The following MAGI3 variants were observed in gnomAD, a reference collection of about 807,000 sequenced individuals.
The protein encoded by MAGI3 is membrane associated guanylate kinase, WW and PDZ domain containing 3.
Under a neutral mutation model 121.8 loss-of-function variants are expected in MAGI3, and 43 were observed. That is an observed-to-expected ratio of 0.35 (90% CI 0.28 to 0.46). MAGI3 has a LOEUF of 0.46. MAGI3 is among the 20% of genes least tolerant of loss of function. MAGI3 has a pLI of 1.00. For missense variants in MAGI3, 1,547 were observed against 1,797.3 expected, an observed-to-expected ratio of 0.86 and a Z score of 2.52; for synonymous variants, 553 against 639.3, an observed-to-expected ratio of 0.86 and a Z score of 2.04.
At chr1:113,661,947 A>C (rs1449786209) in intron 16 of MAGI3, among the ~76,000 whole-genome samples, 1 of 152,228 alleles carries the variant, frequency 6.6e-6, no homozygotes, top group Non-Finnish European at 1.5e-5. Flanking sequence ...CCTTCTGTCC[A>C]TAAAGATCTC....
intron 2 of MAGI3, among the ~76,000 whole-genome samples, chr1:113,561,737 C>A (rs184601340): frequency 6.6e-6 from 1 of 152,066 alleles, no homozygotes; most frequent in East Asian, 1.9e-4. Flanking sequence ...CACTCCTATT[C>A]AATATAGTTT....
intron 5 of MAGI3, 145 bp from the exon 6 acceptor site, chr1:113,594,336 A>G (rs938832288): frequency 3.3e-6 from 2 of 612,616 alleles, no homozygotes; most frequent in Non-Finnish European, 5.7e-6. Flanking sequence ...AATAGGGTTA[A>G]TGAATGAATC....
intron 13 of MAGI3, among the ~76,000 whole-genome samples, chr1:113,650,376 T>C (rs888137329): frequency 6.6e-6 from 1 of 152,238 alleles, no homozygotes; most frequent in Non-Finnish European, 1.5e-5. Context: ...AAACCTTTCT[T>C]TTCTCTTAAA....
At chr1:113,560,025 C>A (rs1660157445) in intron 2 of MAGI3, among the ~76,000 whole-genome samples, 2 of 152,148 alleles carry the variant, frequency 1.3e-5, no homozygotes, top group East Asian at 3.9e-4. Flanking sequence ...ATCAAGAGGA[C>A]CCGATAGTTA....
At chr1:113,622,713 A>C in intron 8 of MAGI3, 93 bp from the exon 9 acceptor site, 1 of 1,032,962 alleles carries the variant, frequency 9.7e-7, no homozygotes. Flanking sequence ...TAAGTTGAGA[A>C]TAACATTAAA....
chr1:113,677,734 T>G (rs2101031974), intron 19 of MAGI3, among the ~76,000 whole-genome samples: 1 of 152,310 alleles, frequency 6.6e-6, no homozygotes, highest in South Asian at 2.1e-4. Flanking sequence ...GTTCTCCTAT[T>G]TTTTTTCCTT....
At chr1:113,533,498 T>G (rs1658823007) in intron 1 of MAGI3, among the ~76,000 whole-genome samples, 1 of 152,316 alleles carries the variant, frequency 6.6e-6, no homozygotes, top group African/African-American at 2.4e-5. Flanking sequence ...GCTCACTGTC[T>G]GGGTGACAAG....
intron 1 of MAGI3, among the ~76,000 whole-genome samples, chr1:113,521,412 TG>T (rs66510210): frequency 0.24 from 34,481 of 146,304 alleles, 4,714 homozygotes; most frequent in East Asian, 0.63. Flanking sequence ...TTTTGTTTTT[TG>T]TTTTTTGTTT....
In MAGI3 at chr1:113,653,935, C is replaced by G. The variant is rs771707631; in HGVS notation, c.2546C>G (p.Pro849Arg). Residue 849 changes from proline (P) to arginine (R), a missense_variant, in exon 15 of 21, where the codon CCC (proline) becomes CGC (arginine). Physicochemically the swap from Pro to Arg is moderately radical, Grantham distance 103. Transcript: ENST00000307546. ...EVPARPAPQE[P>R]YDVVLQRKEN... Reference sequence around the variant, plus strand: ...CCAGCCAGGCCTGCACCCCAGGAGCCCTATGATGTTGTCTTGCAACGAAAA... The same window carrying G: ...CCAGCCAGGCCTGCACCCCAGGAGCGCTATGATGTTGTCTTGCAACGAAAA... 1 of 1,614,020 alleles carries G rather than the reference C, an allele frequency of 6.2e-7. No homozygotes were observed. The highest frequency in any genetic ancestry group is 8.5e-7 in the Non-Finnish European group (1 of 1,179,996).
At chr1:113,603,921 G>A (rs576101857) in intron 6 of MAGI3, among the ~76,000 whole-genome samples, 33 of 152,234 alleles carry the variant, frequency 2.2e-4, no homozygotes, top group African/African-American at 7.5e-4. Flanking sequence ...TCAGGGATGC[G>A]TAAATTAAAA....
At chr1:113,443,751 A>G (rs1054920997) in intron 1 of MAGI3, among the ~76,000 whole-genome samples, 1 of 152,236 alleles carries the variant, frequency 6.6e-6, no homozygotes. Context: ...CTGTTGTGAC[A>G]TTGTTTTTAA....
At chr1:113,602,452 T>TA (rs1405421962) in intron 6 of MAGI3, among the ~76,000 whole-genome samples, 1 of 152,176 alleles carries the variant, frequency 6.6e-6, no homozygotes, top group Non-Finnish European at 1.5e-5. Flanking sequence ...AAACCTGAGA[T>TA]ACAGCAAAGC....
intron 9 of MAGI3, among the ~76,000 whole-genome samples, chr1:113,632,875 G>A (rs1206001245): frequency 6.6e-6 from 1 of 150,660 alleles, no homozygotes; most frequent in Non-Finnish European, 1.5e-5. Context: ...GTTAGCAATG[G>A]CTTTTGTTTT....
intron 1 of MAGI3, among the ~76,000 whole-genome samples, chr1:113,416,062 T>C (rs371809363): frequency 0.1 from 13,064 of 124,894 alleles, 1,598 homozygotes; most frequent in East Asian, 0.59. Flanking sequence ...TGACACATAT[T>C]AATTATGTAA....
intron 1 of MAGI3, among the ~76,000 whole-genome samples, chr1:113,406,215 G>A (rs1428291287): frequency 1.2e-4 from 18 of 151,150 alleles, no homozygotes; most frequent in Non-Finnish European, 2.2e-4. Flanking sequence ...TGAGGTGGGA[G>A]GACTGCTTGA....
Position 113,626,726 on chromosome 1 carries a change from A to T in MAGI3, c.1360+3732A>T, listed in dbSNP as rs567961539. Among the ~76,000 whole-genome samples the T allele has an allele frequency of 6.6e-5, 10 of 152,202 alleles. No individual in the cohort carries two copies. The East Asian group carries it at 1.7e-3, about 26-fold the overall frequency. ...TTATCCATTTCTTCTAGGTTTTCCA[A>T]TTTGTTGGCATATAGTTGCTCATAA... On this transcript the variant is annotated intron_variant, in intron 9 of 20. Transcript: ENST00000307546.
intron 9 of MAGI3, among the ~76,000 whole-genome samples, chr1:113,626,946 C>T (rs1272850066): frequency 6.6e-6 from 1 of 151,838 alleles, no homozygotes; most frequent in African/African-American, 2.4e-5. Flanking sequence ...TCATTTATTT[C>T]TACTCTTTCT....
chr1:113,602,493 T>C (rs1323552614), intron 6 of MAGI3, among the ~76,000 whole-genome samples: 2 of 152,132 alleles, frequency 1.3e-5, no homozygotes, highest in Admixed American at 1.3e-4. Flanking sequence ...TAGCACTAAA[T>C]TGCTACATCA....
intron 6 of MAGI3, among the ~76,000 whole-genome samples, chr1:113,604,181 A>T (rs1649587228): frequency 6.6e-6 from 1 of 152,224 alleles, no homozygotes; most frequent in Non-Finnish European, 1.5e-5. Flanking sequence ...ACACCTGCTT[A>T]TGTATGTCTA....
Sources: gnomAD v4.1 joint callset for allele counts (sites outside exome capture counted in the v4.1 genomes callset) on GRCh38, gnomAD v4.1.1 for gene constraint, MANE v1.5 for transcripts, NCBI Gene and HGNC (gene_info 2026-07-23, HGNC 2026-07-21) for gene names.